The following ITGB6 variants were observed in gnomAD, a reference collection of about 807,000 sequenced individuals.
The protein encoded by ITGB6 is integrin subunit beta 6, also known as integrin beta-6.
In ITGB6, 80 loss-of-function variants were observed where a neutral mutation model predicts 84.5. That is an observed-to-expected ratio of 0.95 (90% CI 0.79 to 1.14). The LOEUF (loss-of-function observed/expected upper bound fraction) is 1.14, where lower values mean the gene tolerates loss of function less well. Ranked by LOEUF, ITGB6 falls within the 50% of genes most tolerant of loss-of-function variation. ITGB6 has a pLI of 0.00. For missense variants in ITGB6, 1,006 were observed against 968.0 expected (o/e 1.04, Z -0.52); for synonymous variants, 383 against 354.9 (o/e 1.08, Z -0.89).
chr2:160,138,273 A>G lies in ITGB6; in HGVS notation c.1108-74T>C, dbSNP rs1683848479. ...TAGCCAGAAGAAGAAACCGTGAATC[A>G]TGTTCATTGAACTACAAATAAATAA... On this transcript the variant is annotated intron_variant, in intron 8 of 14. Transcript: ENST00000283249. The G allele has an allele frequency of 2.2e-6, 3 of 1,394,980 alleles. No individual in the cohort carries two copies. The Admixed American group carries it at 7.6e-5, about 35-fold the overall frequency. The allele number at this position is 1,394,980 out of a possible 1,614,324, so 86.4% of individuals were successfully genotyped here.
chr2:160,122,492 A>G (rs937396211), intron 12 of ITGB6, among the ~76,000 whole-genome samples: 1 of 152,156 alleles, frequency 6.6e-6, no homozygotes, highest in African/African-American at 2.4e-5. Flanking sequence ...ACACTTGGTA[A>G]CTATCCCCAG....
chr2:160,196,611 C>T (rs373968712), intron 2 of ITGB6, among the ~76,000 whole-genome samples, 191 bp from the exon 3 acceptor site: 38 of 152,108 alleles, frequency 2.5e-4, no homozygotes, highest in African/African-American at 7.7e-4. Context: ...AGAATTCTGC[C>T]GGTAAAATTC....
rs145566001 is a variant in ITGB6 at position 160,181,090 on chromosome 2, G to A, written c.594-6951C>T. ...TTGGGCAGACAGCGAGCTAGCTGCC[G>A]GAGTTTTTTTTCATACCCCAGTGGC... On this transcript the variant is annotated intron_variant, in intron 4 of 14. Coordinates refer to ENST00000283249, the MANE Select transcript of ITGB6 (RefSeq NM_000888.5). Among the ~76,000 whole-genome samples, 27 of 152,262 alleles carry A rather than the reference G, an allele frequency of 1.8e-4. No individual in the cohort carries two copies. In the East Asian group the frequency reaches 4.3e-3, roughly 24 times the overall value.
intron 12 of ITGB6, among the ~76,000 whole-genome samples, chr2:160,116,525 G>A: frequency 6.6e-6 from 1 of 152,168 alleles, no homozygotes; most frequent in Non-Finnish European, 1.5e-5. Flanking sequence ...ACTAAACATG[G>A]AAAGGAACAA....
intron 7 of ITGB6, among the ~76,000 whole-genome samples, chr2:160,154,691 G>A (rs145060801): frequency 1.1e-3 from 162 of 151,752 alleles, no homozygotes; most frequent in African/African-American, 3.7e-3. Context: ...TCCTTTAGTA[G>A]GTGAATAGTT....
At chr2:160,160,940 G>A (rs1346522528) in intron 7 of ITGB6, among the ~76,000 whole-genome samples, 1 of 152,212 alleles carries the variant, frequency 6.6e-6, no homozygotes, top group East Asian at 1.9e-4. Flanking sequence ...TGAGCAGTTA[G>A]CAGCTCAGAG....
chr2:160,106,623 G>A (rs1696918249), intron 14 of ITGB6, among the ~76,000 whole-genome samples: 1 of 152,132 alleles, frequency 6.6e-6, no homozygotes, highest in Non-Finnish European at 1.5e-5. Flanking sequence ...GCATTTGGCT[G>A]TTGTATCTAA....
intron 4 of ITGB6, among the ~76,000 whole-genome samples, chr2:160,174,396 C>T (rs898573116): frequency 1.3e-5 from 2 of 152,126 alleles, no homozygotes; most frequent in East Asian, 3.9e-4. Flanking sequence ...AACAGATAAT[C>T]AGGTGATCAG....
chr2:160,184,544 A>T (rs1024587435), intron 4 of ITGB6, among the ~76,000 whole-genome samples: 1 of 152,220 alleles, frequency 6.6e-6, no homozygotes, highest in Non-Finnish European at 1.5e-5. Context: ...AAATTCTACC[A>T]GAAGTACAAA....
chr2:160,145,907 C>T (rs924642845), intron 7 of ITGB6, among the ~76,000 whole-genome samples: 3 of 152,170 alleles, frequency 2.0e-5, no homozygotes, highest in Non-Finnish European at 2.9e-5. Context: ...GTGCTTAGCT[C>T]TTCAGAACCT....
intron 4 of ITGB6, among the ~76,000 whole-genome samples, chr2:160,184,103 A>T (rs1427968639): frequency 6.6e-6 from 1 of 152,232 alleles, no homozygotes; most frequent in African/African-American, 2.4e-5. Flanking sequence ...TTCCAAAGCT[A>T]GCAGGGGACA....
chr2:160,127,223 ATCT>A (rs1313922113), intron 10 of ITGB6, among the ~76,000 whole-genome samples: 1 of 152,152 alleles, frequency 6.6e-6, no homozygotes, highest in African/African-American at 2.4e-5. Flanking sequence ...TTCTTTCCAG[ATCT>A]TCTTCCTGAT....
Position 160,101,335 on chromosome 2 carries a change from G to A in ITGB6, c.*401C>T, listed in dbSNP as rs4522556. The A allele has an allele frequency of 0.38, 70,793 of 187,586 alleles. 19,232 individuals carry two copies. The highest frequency in any genetic ancestry group is 0.81 in the African/African-American group (33,637 of 41,606). 11.6% of individuals were successfully genotyped at this position (187,586 alleles called of 1,614,324 possible). A position where few individuals can be genotyped will look rare whatever the true frequency, so the allele number is the denominator to read the frequency against. On this transcript the variant is annotated 3_prime_UTR_variant, in exon 15 of 15. Transcript: ENST00000283249. ...CTACAAGTTTAGAATTAATTGGCAA[G>A]TATAGACACACAATGTGAGTATATG...
At chr2:160,123,226 T>A (rs1167323581) in intron 12 of ITGB6, among the ~76,000 whole-genome samples, 3 of 152,090 alleles carry the variant, frequency 2.0e-5, no homozygotes. Context: ...AGAGAATAGG[T>A]CTTTCTTGTA....
At chr2:160,194,715 G>A (rs551090283) in intron 4 of ITGB6, among the ~76,000 whole-genome samples, 38 of 152,190 alleles carry the variant, frequency 2.5e-4, no homozygotes, top group Non-Finnish European at 4.7e-4. Context: ...TTCTGAACAT[G>A]TCATTCACTG....
intron 7 of ITGB6, among the ~76,000 whole-genome samples, chr2:160,165,374 A>G (rs181857677): frequency 1.2e-3 from 182 of 152,364 alleles, no homozygotes; most frequent in Non-Finnish European, 2.2e-3. Context: ...AACTGAGGCC[A>G]GAGAGATAAA....
intron 7 of ITGB6, among the ~76,000 whole-genome samples, chr2:160,163,223 GA>G (rs1275975375): frequency 6.6e-6 from 1 of 152,176 alleles, no homozygotes; most frequent in Non-Finnish European, 1.5e-5. Context: ...CAATAGGGAA[GA>G]ACCCTAGATG....
chr2:160,133,814 A>G (rs1683577464), intron 10 of ITGB6, among the ~76,000 whole-genome samples: 2 of 152,370 alleles, frequency 1.3e-5, no homozygotes, highest in South Asian at 4.1e-4. Flanking sequence ...TACTGCGTAC[A>G]TAACAAAATG....
rs1189677347 is a variant in ITGB6 at position 160,101,852 on chromosome 2, A to G, written c.2269-18T>C. 28 of 1,282,522 alleles carry G rather than the reference A, an allele frequency of 2.2e-5. No homozygotes were observed. In the South Asian group the frequency reaches 3.4e-4, roughly 16 times the overall value. The allele number at this position is 1,282,522 out of a possible 1,614,324, so 79.4% of individuals were successfully genotyped here. ...TTGGTTCCCTGGAAAAAAAAAAAAGATTCAAGTGAAAGTATGTATATTTTG... is the reference window on the plus strand; with the variant it reads ...TTGGTTCCCTGGAAAAAAAAAAAAGGTTCAAGTGAAAGTATGTATATTTTG... On this transcript the variant is annotated intron_variant, in intron 14 of 14. Coordinates refer to ENST00000283249, the MANE Select transcript of ITGB6 (RefSeq NM_000888.5).
Sources: allele counts gnomAD v4.1 joint callset (sites outside exome capture counted in the v4.1 genomes callset), GRCh38; gene constraint gnomAD v4.1.1; transcripts MANE v1.5; gene names NCBI Gene and HGNC (gene_info 2026-07-23, HGNC 2026-07-21).